The following NEK1 variants were observed in gnomAD, a reference collection of about 807,000 sequenced individuals.
The protein encoded by NEK1 is NIMA related kinase 1, also known as serine/threonine-protein kinase Nek1.
In NEK1, 137 loss-of-function variants were observed where a neutral mutation model predicts 182.1. That is an observed-to-expected ratio of 0.75 (90% CI 0.65 to 0.87). NEK1 has a LOEUF of 0.87. Among genes scored for constraint, NEK1 ranks in the 40% least tolerant of loss-of-function variants. The pLI, the probability that NEK1 is intolerant of heterozygous loss-of-function variation, is 0.00. For synonymous variants in NEK1, 513 were observed against 492.2 expected (o/e 1.04, Z -0.56); for missense variants, 1,391 against 1,494.4 (o/e 0.93, Z 1.14).
intron 26 of NEK1, among the ~76,000 whole-genome samples, chr4:169,469,309 G>A (rs905444200): frequency 6.6e-6 from 1 of 152,090 alleles, no homozygotes. Context: ...AGAGATTCTG[G>A]TACAGTGTGT....
At chr4:169,541,327 A>G (rs750756736) in intron 18 of NEK1, among the ~76,000 whole-genome samples, 1 of 152,166 alleles carries the variant, frequency 6.6e-6, no homozygotes, top group East Asian at 1.9e-4. Context: ...GTTAGGTGGC[A>G]CTCTGTAATT....
intron 27 of NEK1, among the ~76,000 whole-genome samples, chr4:169,451,237 G>A (rs1259158060): frequency 5.3e-5 from 8 of 151,788 alleles, no homozygotes; most frequent in Non-Finnish European, 1.2e-4. Context: ...CGAGAAAAAA[G>A]GTTAACAAGG....
chr4:169,479,963 T>C (rs1052825828), intron 23 of NEK1, among the ~76,000 whole-genome samples: 1 of 152,110 alleles, frequency 6.6e-6, no homozygotes, highest in East Asian at 1.9e-4. Flanking sequence ...AATGCCAACA[T>C]AAATGAGAAT....
intron 27 of NEK1, among the ~76,000 whole-genome samples, chr4:169,444,802 C>T (rs1383821621): frequency 2.0e-5 from 3 of 152,198 alleles, no homozygotes; most frequent in Non-Finnish European, 4.4e-5. Flanking sequence ...AATATACATT[C>T]TTCTCATCAG....
intron 26 of NEK1, among the ~76,000 whole-genome samples, chr4:169,464,077 G>A (rs1744476672): frequency 6.6e-6 from 1 of 152,118 alleles, no homozygotes; most frequent in Non-Finnish European, 1.5e-5. Context: ...ACCCATGTGG[G>A]CCCTCTATGG....
At chr4:169,491,162 A>AAAG (rs1554047307) in intron 23 of NEK1, among the ~76,000 whole-genome samples, 7 of 122,920 alleles carry the variant, frequency 5.7e-5, no homozygotes, top group African/African-American at 1.6e-4. Context: ...AAAAAAAAAA[A>AAAG]AGAGAGATGG....
Position 169,545,120 on chromosome 4 carries a change from G to A in NEK1, c.1563-7209C>T, listed in dbSNP as rs1226870576. On this transcript the variant is annotated intron_variant, in intron 18 of 35. Transcript: ENST00000507142. ...CACATTGTGCAGGTTAGTTACATAT[G>A]TATACATGTGCCATGCTGGTGCGCT... Among the ~76,000 whole-genome samples the A allele has an allele frequency of 6.3e-5, 9 of 143,284 alleles. No individual in the cohort carries two copies. In the East Asian group the frequency reaches 1.9e-3, roughly 31 times the overall value. The allele number at this position is 143,284 out of a possible 152,430, so 94.0% of individuals were successfully genotyped here.
chr4:169,610,987 T>C (rs1581147949), intron 2 of NEK1, among the ~76,000 whole-genome samples: 2 of 152,292 alleles, frequency 1.3e-5, no homozygotes, highest in East Asian at 3.9e-4. Context: ...AAAGCAAAAA[T>C]GGAATTTCTA....
intron 26 of NEK1, among the ~76,000 whole-genome samples, chr4:169,464,624 T>C (rs1347348615): frequency 6.6e-6 from 1 of 152,096 alleles, no homozygotes; most frequent in Non-Finnish European, 1.5e-5. Flanking sequence ...ACCTGTATTA[T>C]GTTTCTATAA....
At chr4:169,582,712 C>A (rs901318511) in intron 10 of NEK1, among the ~76,000 whole-genome samples, 1 of 152,108 alleles carries the variant, frequency 6.6e-6, no homozygotes, top group Admixed American at 6.6e-5. Flanking sequence ...ATCCTGAAAA[C>A]CCTACGTTAT....
intron 26 of NEK1, among the ~76,000 whole-genome samples, chr4:169,471,557 G>C (rs1745971398): frequency 6.6e-6 from 1 of 152,274 alleles, no homozygotes; most frequent in Middle Eastern, 3.4e-3. Context: ...TGAGGTGTCT[G>C]TCGTCCCCTG....
intron 12 of NEK1, among the ~76,000 whole-genome samples, chr4:169,568,918 CAA>C (rs1171368602): frequency 8.9e-6 from 1 of 111,984 alleles, no homozygotes; most frequent in African/African-American, 4.4e-5. Flanking sequence ...GCCTGGGGGA[CAA>C]GAGCAAAACT....
chr4:169,554,582 T>A (rs937066659), intron 18 of NEK1: 1 of 152,178 alleles, frequency 6.6e-6, no homozygotes, highest in African/African-American at 2.4e-5. Flanking sequence ...ACATACTATA[T>A]GATTCCAAGT....
At chr4:169,536,421 C>T (rs1758515919) in intron 19 of NEK1, among the ~76,000 whole-genome samples, 1 of 151,478 alleles carries the variant, frequency 6.6e-6, no homozygotes, top group Non-Finnish European at 1.5e-5. Context: ...AGAATGAATG[C>T]TTAGTTCTTG....
At chr4:169,509,956 A>C (rs1370005824) in intron 19 of NEK1, among the ~76,000 whole-genome samples, 1 of 152,154 alleles carries the variant, frequency 6.6e-6, no homozygotes, top group African/African-American at 2.4e-5. Context: ...CATCCATTTA[A>C]TATTCCTTAC....
intron 16 of NEK1, among the ~76,000 whole-genome samples, chr4:169,560,889 C>A (rs1271923466): frequency 2.6e-5 from 4 of 151,742 alleles, no homozygotes; most frequent in African/African-American, 9.7e-5. Context: ...TAGATTAACT[C>A]ATCTATGTAA....
At chr4:169,429,572 T>G (rs1579539886) in intron 29 of NEK1, among the ~76,000 whole-genome samples, 1 of 148,288 alleles carries the variant, frequency 6.7e-6, no homozygotes, top group South Asian at 2.2e-4. Context: ...CAGTGGAAAA[T>G]ACATCTTTTC....
At chr4:169,490,055 G>A (rs1361402780) in intron 23 of NEK1, among the ~76,000 whole-genome samples, 3 of 152,116 alleles carry the variant, frequency 2.0e-5, no homozygotes, top group Non-Finnish European at 2.9e-5. Flanking sequence ...CCCACGGTAC[G>A]ATAAACAAGA....
At chr4:169,602,455 C>A in intron 3 of NEK1, 59 bp downstream of exon 3, 3 of 866,254 alleles carry the variant, frequency 3.5e-6, no homozygotes, top group South Asian at 1.6e-5. Context: ...AAATCTCTAA[C>A]AATGAGCTCT....
Sources: gnomAD v4.1 joint callset for allele counts (sites outside exome capture counted in the v4.1 genomes callset) on GRCh38, gnomAD v4.1.1 for gene constraint, MANE v1.5 for transcripts, NCBI Gene and HGNC (gene_info 2026-07-23, HGNC 2026-07-21) for gene names.